Variants in PTPRD observed in about 807,000 individuals in gnomAD.
PTPRD encodes receptor-type tyrosine-protein phosphatase delta.
In PTPRD, 34 loss-of-function variants were observed where a neutral mutation model predicts 214.5. The observed-to-expected ratio is 0.16, with a 90% CI of 0.12 to 0.21. The LOEUF is 0.21. Ranked by LOEUF, PTPRD falls within the 10% of genes least tolerant of loss-of-function variation. The pLI, the probability that PTPRD is intolerant of heterozygous loss-of-function variation, is 1.00. For missense variants in PTPRD, 2,545 were observed against 2,398.7 expected, an observed-to-expected ratio of 1.06 and a Z score of -1.27; for synonymous variants, 1,128 against 845.7, an observed-to-expected ratio of 1.33 and a Z score of -5.79.
At chr9:9,895,204 A>C (rs2074608355) in intron 5 of PTPRD, among the ~76,000 whole-genome samples, 1 of 152,084 alleles carries the variant, frequency 6.6e-6, no homozygotes, top group South Asian at 2.1e-4. Flanking sequence ...TTAAAGTTCA[A>C]GAAGAAATAT....
intron 7 of PTPRD, among the ~76,000 whole-genome samples, chr9:9,623,117 A>G (rs2154354062): frequency 6.6e-6 from 1 of 152,362 alleles, no homozygotes; most frequent in African/African-American, 2.4e-5. Context: ...ACTTGCATAT[A>G]TGTTGCCTTT....
intron 5 of PTPRD, among the ~76,000 whole-genome samples, chr9:9,901,556 T>C (rs982450272): frequency 1.1e-4 from 17 of 151,952 alleles, no homozygotes; most frequent in African/African-American, 4.1e-4. Context: ...AAGTTTAAAA[T>C]ATGTCAGAAT....
At chr9:9,846,306 A>G (rs2059522768) in intron 5 of PTPRD, among the ~76,000 whole-genome samples, 2 of 152,096 alleles carry the variant, frequency 1.3e-5, no homozygotes, top group Admixed American at 1.3e-4. Flanking sequence ...ATTACTTGTC[A>G]TCTCCAATGC....
At chr9:9,458,683 T>G (rs1438748434) in intron 8 of PTPRD, among the ~76,000 whole-genome samples, 1 of 152,044 alleles carries the variant, frequency 6.6e-6, no homozygotes, top group Non-Finnish European at 1.5e-5. Context: ...GGCTCACTCC[T>G]TAATCCCAGC....
intron 7 of PTPRD, among the ~76,000 whole-genome samples, chr9:9,687,185 T>C (rs1314001821): frequency 6.6e-6 from 1 of 151,786 alleles, no homozygotes; most frequent in Non-Finnish European, 1.5e-5. Context: ...AAAGGCACAC[T>C]CGTGAGTTCC....
chr9:10,434,463 T>C (rs1279918565), intron 2 of PTPRD, among the ~76,000 whole-genome samples: 1 of 151,904 alleles, frequency 6.6e-6, no homozygotes, highest in Non-Finnish European at 1.5e-5. Context: ...TTTGCTTAGC[T>C]CTCCATCTTA....
At chr9:8,857,245 C>T (rs12001014) in intron 11 of PTPRD, among the ~76,000 whole-genome samples, 20,130 of 152,118 alleles carry the variant, frequency 0.13, 3,319 homozygotes, top group African/African-American at 0.39. Context: ...AACAGTAATC[C>T]CTGCCTTTAA....
intron 12 of PTPRD, among the ~76,000 whole-genome samples, chr9:8,685,696 G>T (rs1161561189): frequency 1.3e-5 from 2 of 152,098 alleles, no homozygotes; most frequent in Non-Finnish European, 2.9e-5. Flanking sequence ...AGAATCAAAG[G>T]TGTTCAAGAA....
intron 4 of PTPRD, among the ~76,000 whole-genome samples, chr9:9,996,791 C>T (rs2096136343): frequency 6.6e-6 from 1 of 152,086 alleles, no homozygotes. Context: ...CAGAATTCAT[C>T]CAGGAAGGTT....
chr9:9,275,842 T>TGC (rs1427077893), intron 9 of PTPRD, among the ~76,000 whole-genome samples: 21 of 151,210 alleles, frequency 1.4e-4, no homozygotes, highest in Admixed American at 2.6e-4. Context: ...TATGTGTGTG[T>TGC]GTGTGTGTGT....
chr9:8,422,882 C>G (rs923268964), intron 35 of PTPRD, among the ~76,000 whole-genome samples: 10 of 152,186 alleles, frequency 6.6e-5, no homozygotes, highest in African/African-American at 1.9e-4. Context: ...TTCTACCTTC[C>G]CTTATGCAGC....
intron 5 of PTPRD, among the ~76,000 whole-genome samples, chr9:9,930,001 G>T (rs569224865): frequency 1.4e-4 from 21 of 152,254 alleles, no homozygotes; most frequent in African/African-American, 5.1e-4. Context: ...CCTAGTTCAG[G>T]AGTCAGATAC....
Position 10,444,203 on chromosome 9 carries a change from G to C in PTPRD, c.-599-103186C>G, listed in dbSNP as rs985807. ...ATCACCTATTCTATCCCCTTACTTT[G>C]ATTACCTCTGCTTTGTTTTATTCTG... On this transcript the variant is annotated intron_variant, in intron 2 of 45. Transcript: ENST00000381196. Among the ~76,000 whole-genome samples, 36 of 151,734 alleles carry C rather than the reference G, an allele frequency of 2.4e-4. No homozygotes were observed. The South Asian group carries it at 7.5e-3, about 31-fold the overall frequency.
In PTPRD at chr9:9,328,618, C is replaced by CTTTTTTTTTTTTTTTTTTTTTTTTTTTT. The variant is rs869076374; in HGVS notation, c.-203+68803_-203+68830dup. ...ACATTTTCTTTTGTTGTTGTTCTTG[C>CTTTTTTTTTTTTTTTTTTTTTTTTTTTT]TTTTTTTTTTTTTTTTTTTTTTTTT... On this transcript the variant is annotated intron_variant, in intron 9 of 45. Coordinates refer to ENST00000381196, the MANE Select transcript of PTPRD (RefSeq NM_002839.4). 3.5e-4 allele frequency among the ~76,000 whole-genome samples: 10 copies of CTTTTTTTTTTTTTTTTTTTTTTTTTTTT among 28,230 alleles called. 4 individuals carry two copies. Among genetic ancestry groups the CTTTTTTTTTTTTTTTTTTTTTTTTTTTT allele is most frequent in the Admixed American group, 5.8e-4 (1 of 1,722 alleles). 18.5% of individuals were successfully genotyped at this position (28,230 alleles called of 152,430 possible).
intron 8 of PTPRD, among the ~76,000 whole-genome samples, chr9:9,424,767 T>C (rs1350481919): frequency 6.6e-6 from 1 of 152,150 alleles, no homozygotes; most frequent in African/African-American, 2.4e-5. Context: ...GGTCACTAGA[T>C]ACAAAGTCAA....
chr9:8,550,229 A>C (rs1181662992), intron 14 of PTPRD, among the ~76,000 whole-genome samples: 1 of 152,126 alleles, frequency 6.6e-6, no homozygotes. Context: ...TTCCAATATA[A>C]ATATTGTCAT....
rs150098970 is a variant in PTPRD, at chr9:9,311,366, CT to C, written c.-203+86082del. The stretch of plus-strand genomic sequence containing the variant: ...GGAGAGGTCTGAATATTATGTACAG[CT>C]ACCAGCATATTAACAACTAAACAAA... On this transcript the variant is annotated intron_variant, in intron 9 of 45. Transcript: ENST00000381196. 6.9e-4 allele frequency among the ~76,000 whole-genome samples: 105 copies of C among 152,234 alleles called. No individual in the cohort carries two copies. The Middle Eastern group carries it at 0.01, about 15-fold the overall frequency.
At chr9:9,383,327 T>G (rs542453585) in intron 9 of PTPRD, among the ~76,000 whole-genome samples, 2 of 152,128 alleles carry the variant, frequency 1.3e-5, no homozygotes, top group African/African-American at 4.8e-5. Context: ...ATATTTAAAA[T>G]TTTATTTCTG....
intron 7 of PTPRD, among the ~76,000 whole-genome samples, chr9:9,662,145 C>G (rs1023920034): frequency 2.0e-5 from 3 of 151,692 alleles, no homozygotes; most frequent in African/African-American, 7.2e-5. Context: ...ATTCTTAACA[C>G]TCCATACAGT....
Sources: gnomAD v4.1 joint callset for allele counts (sites outside exome capture counted in the v4.1 genomes callset) on GRCh38, gnomAD v4.1.1 for gene constraint, MANE v1.5 for transcripts, NCBI Gene and HGNC (gene_info 2026-07-23, HGNC 2026-07-21) for gene names.